Variants in RPTOR observed in about 807,000 individuals in gnomAD.
The protein encoded by RPTOR is regulatory associated protein of MTOR complex 1, also known as regulatory-associated protein of mTOR.
RPTOR carries 21 observed loss-of-function variants against 169.9 expected under a neutral mutation model. That is an observed-to-expected ratio of 0.12 (90% CI 0.09 to 0.18). The LOEUF is 0.18. Ranked by LOEUF, RPTOR falls within the 10% of genes least tolerant of loss-of-function variation. The pLI is 1.00. For missense variants in RPTOR, 1,133 were observed against 1,855.9 expected, an observed-to-expected ratio of 0.61 and a Z score of 7.16; for synonymous variants, 732 against 753.2, an observed-to-expected ratio of 0.97 and a Z score of 0.46.
chr17:80,687,049 C>G (rs1275499899), intron 3 of RPTOR, among the ~76,000 whole-genome samples: 2 of 152,210 alleles, frequency 1.3e-5, no homozygotes, highest in Admixed American at 6.5e-5. Flanking sequence ...TACATCACCC[C>G]ACGCAATGCC....
chr17:80,603,666 G>T (rs777025717), intron 1 of RPTOR, among the ~76,000 whole-genome samples: 4 of 152,188 alleles, frequency 2.6e-5, no homozygotes, highest in Non-Finnish European at 5.9e-5. Context: ...ATGGGGTGAG[G>T]TCTGAAGGGA....
At chr17:80,597,676 A>G (rs2065154006) in intron 1 of RPTOR, among the ~76,000 whole-genome samples, 1 of 151,256 alleles carries the variant, frequency 6.6e-6, no homozygotes, top group African/African-American at 2.4e-5. Flanking sequence ...ACACCCAGCT[A>G]ATTTTTTGTT....
chr17:80,715,713 G>GCCC (rs56246352), intron 4 of RPTOR, among the ~76,000 whole-genome samples: 1 of 151,600 alleles, frequency 6.6e-6, no homozygotes, highest in African/African-American at 2.4e-5. Flanking sequence ...TTTATCCCTC[G>GCCC]CCCCCTCCCA....
At chr17:80,750,254 T>C (rs768678371) in intron 5 of RPTOR, among the ~76,000 whole-genome samples, 1 of 152,248 alleles carries the variant, frequency 6.6e-6, no homozygotes, top group Non-Finnish European at 1.5e-5. Flanking sequence ...ATATTGAACT[T>C]AGTTTTTGCG....
chr17:80,564,755 A>G (rs552603604), intron 1 of RPTOR, among the ~76,000 whole-genome samples: 44 of 151,670 alleles, frequency 2.9e-4, no homozygotes, highest in African/African-American at 1.1e-3. Context: ...CCCACCGTCT[A>G]CCCTCAAGTA....
At chr17:80,699,436 G>C (rs141894160) in intron 3 of RPTOR, among the ~76,000 whole-genome samples, 31 of 149,950 alleles carry the variant, frequency 2.1e-4, no homozygotes, top group African/African-American at 6.2e-4. Context: ...CCCTGGTGCA[G>C]TGATGGGGAG....
In RPTOR at chr17:80,844,033, T is replaced by C. The variant is rs2067699376; in HGVS notation, c.1213-2440T>C. Among the ~76,000 whole-genome samples the C allele has an allele frequency of 6.6e-6, 1 of 152,140 alleles. No homozygotes were observed. Among genetic ancestry groups the C allele is most frequent in the South Asian group, 2.1e-4 (1 of 4,818 alleles). ...AGCTCTCTGTCTCGCTGAATGGACT[T>C]CGCTCCCCTGCACGCAGGGGCCAGC... On this transcript the variant is annotated intron_variant, in intron 10 of 33. Transcript: ENST00000306801. This position sits in a 1 kb window ranked among gnomAD's most constrained non-coding sequence, Gnocchi z 4.7.
At chr17:80,894,965 C>A (rs1232669937) in intron 20 of RPTOR, among the ~76,000 whole-genome samples, 2 of 152,268 alleles carry the variant, frequency 1.3e-5, no homozygotes, top group African/African-American at 4.8e-5. Flanking sequence ...AAGCCCGTTT[C>A]TTTGGCTCTG....
chr17:80,879,817 G>A (rs2068165756), intron 13 of RPTOR, among the ~76,000 whole-genome samples: 1 of 152,218 alleles, frequency 6.6e-6, no homozygotes, highest in Admixed American at 6.5e-5. Context: ...CTGAAGCGTG[G>A]GAAGGTCGCC....
chr17:80,905,043 A>G (rs2068523290), intron 20 of RPTOR, among the ~76,000 whole-genome samples: 1 of 152,208 alleles, frequency 6.6e-6, no homozygotes, highest in African/African-American at 2.4e-5. Context: ...CCCAGGGCCC[A>G]CGACGCTCAG....
intron 1 of RPTOR, among the ~76,000 whole-genome samples, chr17:80,598,599 A>T (rs1017865084): frequency 6.6e-6 from 1 of 152,224 alleles, no homozygotes; most frequent in African/African-American, 2.4e-5. Flanking sequence ...CAAGTTGCTG[A>T]TCTTTTGCGC....
At chr17:80,806,382 G>A (rs1300467641) in intron 7 of RPTOR, among the ~76,000 whole-genome samples, 1 of 152,190 alleles carries the variant, frequency 6.6e-6, no homozygotes, top group Non-Finnish European at 1.5e-5. Flanking sequence ...TAAGATAAGT[G>A]TTCCGTGGTC....
chr17:80,626,539 T>C (rs902685083), intron 2 of RPTOR, among the ~76,000 whole-genome samples: 4 of 152,054 alleles, frequency 2.6e-5, no homozygotes, highest in Admixed American at 2.0e-4. Context: ...TGCTGAATGC[T>C]TGTAGTGTGT....
chr17:80,736,265 C>T (rs1038530796), intron 5 of RPTOR, among the ~76,000 whole-genome samples: 24 of 152,220 alleles, frequency 1.6e-4, no homozygotes, highest in African/African-American at 4.8e-4. Flanking sequence ...AGGATGCTTC[C>T]GAGTAACTCG....
At chr17:80,805,533 C>T (rs1476152656) in intron 7 of RPTOR, 1 of 152,200 alleles carries the variant, frequency 6.6e-6, no homozygotes, top group African/African-American at 2.4e-5. Flanking sequence ...CCATGTGACT[C>T]CTGCAGCTGC....
In RPTOR at chr17:80,959,941, G is replaced by C; in HGVS notation, c.3478-137G>C. The C allele has an allele frequency of 9.6e-7, 1 of 1,037,112 alleles. No homozygotes were observed. The highest frequency in any genetic ancestry group is 1.4e-6 in the Non-Finnish European group (1 of 707,406). 64.2% of individuals were successfully genotyped at this position (1,037,112 alleles called of 1,614,324 possible). On this transcript the variant is annotated intron_variant, in intron 29 of 33. Transcript: ENST00000306801. This position sits in a 1 kb window ranked among gnomAD's most constrained non-coding sequence, Gnocchi z 6.7. ...CAGGCCTTTGATGCTTCCCTGGATA[G>C]AGAGAAAGGCCCCTGCAGCCAGGGA... is the stretch of plus-strand genomic sequence containing the variant.
In RPTOR at chr17:80,562,817, A is replaced by C. The variant is rs1283646719; in HGVS notation, c.162+17026A>C. The stretch of plus-strand genomic sequence containing the variant: ...AAACAAAAACAAAGTAGATCGGACA[A>C]GCAGTTTAAAGATATATCAAAACAA... On this transcript the variant is annotated intron_variant, in intron 1 of 33. Transcript: ENST00000306801. This position sits in a 1 kb window ranked among gnomAD's most constrained non-coding sequence, Gnocchi z 4.4. Among the ~76,000 whole-genome samples, 1 of 152,244 alleles carries C rather than the reference A, an allele frequency of 6.6e-6. No homozygotes were observed. The highest frequency in any genetic ancestry group is 2.4e-5 in the African/African-American group (1 of 41,476).
At chr17:80,847,961 C>G (rs1479019885) in intron 11 of RPTOR, among the ~76,000 whole-genome samples, 2 of 152,264 alleles carry the variant, frequency 1.3e-5, no homozygotes, top group Non-Finnish European at 1.5e-5. Context: ...TTCCGCCGTT[C>G]AGTCTGTGCT....
At chr17:80,596,063 G>A (rs765150737) in intron 1 of RPTOR, among the ~76,000 whole-genome samples, 4 of 152,220 alleles carry the variant, frequency 2.6e-5, no homozygotes, top group Non-Finnish European at 4.4e-5. Context: ...GCTTATTAGC[G>A]TGGATATGTT....
Sources: allele counts gnomAD v4.1 joint callset (sites outside exome capture counted in the v4.1 genomes callset), GRCh38; gene constraint gnomAD v4.1.1; non-coding constraint Gnocchi (gnomAD v3.1); transcripts MANE v1.5; gene names NCBI Gene and HGNC (gene_info 2026-07-23, HGNC 2026-07-21).